The following MAP3K1 variants were observed in gnomAD, a reference collection of about 807,000 sequenced individuals.
The protein encoded by MAP3K1 is mitogen-activated protein kinase kinase kinase 1.
A neutral mutation model predicts 144.2 loss-of-function variants in MAP3K1; 36 were observed. The observed-to-expected ratio is 0.25, with a 90% CI of 0.19 to 0.33. The LOEUF (loss-of-function observed/expected upper bound fraction) is 0.33, where lower values mean the gene tolerates loss of function less well. Among genes scored for constraint, MAP3K1 ranks in the 10% least tolerant of loss-of-function variants. The probability of loss-of-function intolerance (pLI) is 1.00; values close to 1 mark genes in which losing one functional copy is unlikely to be tolerated. For missense variants in MAP3K1, 1,650 were observed against 1,881.9 expected (o/e 0.88, Z 2.28); for synonymous variants, 718 against 688.7 (o/e 1.04, Z -0.67).
At chr5:56,859,532 A>G (rs1747439772) in intron 2 of MAP3K1, 183 bp from the exon 3 acceptor site, 2 of 578,352 alleles carry the variant, frequency 3.5e-6, no homozygotes, top group African/African-American at 1.9e-5. Context: ...AAATTTGTGC[A>G]GGTAAAAATA....
At chr5:56,877,569 A>G in intron 10 of MAP3K1, among the ~76,000 whole-genome samples, 1 of 147,338 alleles carries the variant, frequency 6.8e-6, no homozygotes, top group East Asian at 2.0e-4. Context: ...TTGCAGCATC[A>G]TGACACTTAA....
At chr5:56,849,984 G>A (rs922104049) in intron 1 of MAP3K1, among the ~76,000 whole-genome samples, 2 of 152,136 alleles carry the variant, frequency 1.3e-5, no homozygotes, top group Admixed American at 6.5e-5. Context: ...AGTAAGAGCC[G>A]CGTCTCAAGA....
intron 6 of MAP3K1, among the ~76,000 whole-genome samples, chr5:56,868,361 A>C (rs1419206559): frequency 6.6e-6 from 1 of 152,118 alleles, no homozygotes; most frequent in Non-Finnish European, 1.5e-5. Context: ...AAATGAGTAC[A>C]AAGATGTTTG....
chr5:56,848,230 T>A (rs76450098), intron 1 of MAP3K1, among the ~76,000 whole-genome samples: 1,571 of 152,368 alleles, frequency 0.01, 17 homozygotes, highest in South Asian at 0.019. Flanking sequence ...TTTACTAATT[T>A]GGAAGTAATA....
chr5:56,840,452 A>G (rs1746779465), intron 1 of MAP3K1, among the ~76,000 whole-genome samples: 2 of 146,244 alleles, frequency 1.4e-5, no homozygotes, highest in African/African-American at 5.6e-5. Context: ...CCAGCCAAAT[A>G]ATGAGTATTA....
At chr5:56,858,447 A>G (rs1044115572) in intron 2 of MAP3K1, among the ~76,000 whole-genome samples, 3 of 152,230 alleles carry the variant, frequency 2.0e-5, no homozygotes, top group African/African-American at 7.2e-5. Context: ...TGTGTGGAAT[A>G]AGATGCATAA....
At position 56,879,021 on chromosome 5, in the gene MAP3K1, T is replaced by A; in HGVS notation, c.2007T>A (p.Ser669Arg). Reference sequence around the variant, plus strand: ...TGCTGGTATATACTCCTTGCCACAGTTTAGCGGAAAGAATCAAACTTCAGA... The same window carrying A: ...TGCTGGTATATACTCCTTGCCACAGATTAGCGGAAAGAATCAAACTTCAGA... ...RAMLVYTPCHSLAERIKLQRL... is the reference protein window; with the variant it reads ...RAMLVYTPCHRLAERIKLQRL... The change falls in exon 11 of 20, where the codon AGT (serine) becomes AGA (arginine). Residue 669 changes from serine to arginine, a missense_variant. Physicochemically the swap from Ser to Arg is moderately radical, Grantham distance 110. This residue lies in a region of MAP3K1 where 841 missense variants were observed against 886.5 expected (regional missense o/e 0.95). Transcript: ENST00000399503. The A allele has an allele frequency of 6.2e-7, 1 of 1,613,908 alleles. No individual in the cohort carries two copies. Among genetic ancestry groups the A allele is most frequent in the Non-Finnish European group, 8.5e-7 (1 of 1,179,856 alleles).
At chr5:56,844,893 C>G (rs1358913424) in intron 1 of MAP3K1, among the ~76,000 whole-genome samples, 2 of 152,154 alleles carry the variant, frequency 1.3e-5, no homozygotes, top group African/African-American at 4.8e-5. Flanking sequence ...GGAAGTCATT[C>G]TTCCTCATTC....
chr5:56,851,609 T>A (rs1432339242), intron 1 of MAP3K1, among the ~76,000 whole-genome samples: 1 of 152,222 alleles, frequency 6.6e-6, no homozygotes, highest in African/African-American at 2.4e-5. Context: ...ATTACCTTGC[T>A]CTGTTTCCGT....
At chr5:56,887,664 C>A in intron 18 of MAP3K1, 144 bp downstream of exon 18, 3 of 846,130 alleles carry the variant, frequency 3.5e-6, no homozygotes, top group Non-Finnish European at 5.9e-6. Flanking sequence ...TTAATAATAT[C>A]TTTCAGACCC....
intron 1 of MAP3K1, among the ~76,000 whole-genome samples, chr5:56,827,580 C>A (rs1746356475): frequency 6.6e-6 from 1 of 152,236 alleles, no homozygotes; most frequent in African/African-American, 2.4e-5. Context: ...GAACCTGGGC[C>A]TTGCTGGGTG....
chr5:56,840,678 A>G (rs1049475840), intron 1 of MAP3K1, among the ~76,000 whole-genome samples: 1 of 152,110 alleles, frequency 6.6e-6, no homozygotes. Flanking sequence ...CCAGATTATG[A>G]GAAAAGTCAG....
intron 19 of MAP3K1, among the ~76,000 whole-genome samples, chr5:56,889,099 G>A (rs16877026): frequency 2.0e-5 from 3 of 152,078 alleles, no homozygotes; most frequent in African/African-American, 2.4e-5. Context: ...CTTTAAAAAC[G>A]TGAAATTCAT....
chr5:56,871,890 T>C lies in MAP3K1; in HGVS notation c.1302-20T>C. 6.2e-7 allele frequency: 1 copy of C among 1,612,842 alleles called. No individual in the cohort carries two copies. Among genetic ancestry groups the C allele is most frequent in the Non-Finnish European group, 8.5e-7 (1 of 1,178,940 alleles). On this transcript the variant is annotated intron_variant, in intron 6 of 19. Transcript: ENST00000399503. ...TTATATTCTTTTATGCTTAATACTT[T>C]TTCTTCCCCTTTTCTATAGCATAAA...
chr5:56,847,735 T>C (rs1685153360), intron 1 of MAP3K1, among the ~76,000 whole-genome samples: 1 of 152,228 alleles, frequency 6.6e-6, no homozygotes, highest in South Asian at 2.1e-4. Flanking sequence ...ATGTACTTCA[T>C]GCAAGAAGAC....
At chr5:56,866,427 ATGTATGTC>A (rs1469668012) in intron 6 of MAP3K1, among the ~76,000 whole-genome samples, 12 of 151,820 alleles carry the variant, frequency 7.9e-5, no homozygotes, top group African/African-American at 2.7e-4. Flanking sequence ...GTGTGTATGT[ATGTATGTC>A]TGTATGTATG....
At chr5:56,886,153 C>T in intron 17 of MAP3K1, 90 bp downstream of exon 17, 1 of 1,071,424 alleles carries the variant, frequency 9.3e-7, no homozygotes, top group Non-Finnish European at 1.4e-6. Flanking sequence ...CCTGTAATCC[C>T]AGTACTTTGG....
chr5:56,862,118 G>A (rs1747532815), intron 3 of MAP3K1: 1 of 152,126 alleles, frequency 6.6e-6, no homozygotes, highest in Non-Finnish European at 1.5e-5. Context: ...GCTTATCTCT[G>A]TTCCTTGTGA....
chr5:56,827,218 G>A (rs552234915), intron 1 of MAP3K1, among the ~76,000 whole-genome samples: 37 of 152,332 alleles, frequency 2.4e-4, no homozygotes, highest in African/African-American at 8.9e-4. Context: ...GCTCTGGCCA[G>A]AGAGAGAGCC....
Sources: allele counts gnomAD v4.1 joint callset (sites outside exome capture counted in the v4.1 genomes callset), GRCh38; gene constraint gnomAD v4.1.1; regional missense constraint gnomAD v4.1.1; transcripts MANE v1.5; gene names NCBI Gene and HGNC (gene_info 2026-07-23, HGNC 2026-07-21).